HHLA2: variants seen among roughly 807,000 people sequenced by gnomAD.
HHLA2 encodes HHLA2 member of B7 family, also known as HERV-H LTR-associating protein 2.
HHLA2 carries 48 observed loss-of-function variants against 45.9 expected under a neutral mutation model. The ratio of observed to expected loss-of-function variants is 1.05; its 90% CI spans 0.83 to 1.33. The LOEUF is 1.33. HHLA2 is among the 40% of genes most tolerant of loss of function. The pLI, the probability that HHLA2 is intolerant of heterozygous loss-of-function variation, is 0.00. For missense variants in HHLA2, 462 were observed against 494.3 expected (o/e 0.93, Z 0.62); for synonymous variants, 161 against 173.9 (o/e 0.93, Z 0.59).
At chr3:108,377,308 A>T in exon 11 of HHLA2, 1 of 1,551,258 alleles carries the variant, frequency 6.4e-7, no homozygotes, top group Non-Finnish European at 8.9e-7. Context: ...ACAACTCATG[A>T]CCTGCATCCT....
At chr3:108,306,295 T>TA (rs1204360501) in intron 1 of HHLA2, among the ~76,000 whole-genome samples, 1 of 152,246 alleles carries the variant, frequency 6.6e-6, no homozygotes, top group Non-Finnish European at 1.5e-5. Context: ...AGAACGTGAT[T>TA]AGCACAGTCA....
chr3:108,317,766 G>A (rs1362564303), intron 2 of HHLA2, among the ~76,000 whole-genome samples: 1 of 151,952 alleles, frequency 6.6e-6, no homozygotes, highest in Non-Finnish European at 1.5e-5. Context: ...GTAGAGACAA[G>A]GTTTCACCAT....
rs189085212 is a variant in HHLA2 at position 108,347,585 on chromosome 3, C to A, written c.-26-4203C>A. Among the ~76,000 whole-genome samples the A allele has an allele frequency of 2.4e-4, 37 of 152,226 alleles. No homozygotes were observed. The East Asian group carries it at 6.9e-3, about 29-fold the overall frequency. On this transcript the variant is annotated intron_variant, in intron 3 of 10. Transcript: ENST00000619531. ...TAATTAGGAGAATATTATAGAATGACTTCTTTTTTTAAAAAATATGACTCC... is the reference window on the plus strand; with the variant it reads ...TAATTAGGAGAATATTATAGAATGAATTCTTTTTTTAAAAAATATGACTCC...
Position 108,375,797 on chromosome 3 carries a change from C to T in HHLA2, c.1156C>T (p.Gln386Ter), listed in dbSNP as rs888261081. Residue 386 changes from glutamine to a stop codon, truncating the protein, a stop_gained, in exon 9 of 11, where the codon CAA (glutamine) becomes TAA (stop). Coordinates refer to ENST00000619531, the Ensembl canonical transcript of HHLA2. LOFTEE classifies it high-confidence loss of function. ...CAGACACCCTGCTGATGGAGCCCAA[C>T]AAGGTCAGCCTCCCATGTCTGAGAG... 2.5e-6 allele frequency: 4 copies of T among 1,610,394 alleles called. No individual in the cohort carries two copies. The highest frequency in any genetic ancestry group is 2.2e-5 in the East Asian group (1 of 44,798).
chr3:108,360,024 C>G (rs2081961100), intron 7 of HHLA2, among the ~76,000 whole-genome samples: 1 of 152,126 alleles, frequency 6.6e-6, no homozygotes, highest in Non-Finnish European at 1.5e-5. Context: ...GGAAATGTGG[C>G]TGTAGCTTCT....
exon 11 of HHLA2, chr3:108,377,352 C>T (rs992196678): frequency 8.8e-7 from 1 of 1,138,134 alleles, no homozygotes; most frequent in Non-Finnish European, 1.3e-6. Context: ...CCTTTCTTCA[C>T]CACAATTCCA....
intron 3 of HHLA2, among the ~76,000 whole-genome samples, chr3:108,336,880 T>C (rs181558195): frequency 1.3e-5 from 2 of 152,204 alleles, no homozygotes; most frequent in East Asian, 3.9e-4. Context: ...CTAATACCAG[T>C]TCTGGGTTCT....
chr3:108,328,233 A>T (rs1177260418), intron 2 of HHLA2: 3 of 1,000,246 alleles, frequency 3.0e-6, no homozygotes, highest in Non-Finnish European at 4.2e-6. Flanking sequence ...GGGCATTGAT[A>T]CTCTGGAATC....
intron 3 of HHLA2, among the ~76,000 whole-genome samples, chr3:108,335,887 G>A (rs938892965): frequency 6.6e-6 from 1 of 151,942 alleles, no homozygotes; most frequent in African/African-American, 2.4e-5. Context: ...GTAGCTGAGT[G>A]ATCCATTTGT....
intron 2 of HHLA2, among the ~76,000 whole-genome samples, chr3:108,320,040 C>G (rs1204875106): frequency 1.3e-5 from 2 of 152,136 alleles, no homozygotes; most frequent in Non-Finnish European, 2.9e-5. Context: ...GCATGAATAT[C>G]CCACTTATTT....
At chr3:108,366,063 C>T (rs2082058638) in intron 8 of HHLA2, among the ~76,000 whole-genome samples, 1 of 152,306 alleles carries the variant, frequency 6.6e-6, no homozygotes, top group South Asian at 2.1e-4. Flanking sequence ...CGCCGGTTTT[C>T]AAGGGGAATG....
intron 8 of HHLA2, among the ~76,000 whole-genome samples, chr3:108,375,342 G>A (rs576809055): frequency 7.2e-6 from 1 of 138,950 alleles, no homozygotes; most frequent in Non-Finnish European, 1.6e-5. Context: ...GGTAGGGGAG[G>A]GGGGAGGGAT....
chr3:108,345,073 G>A (rs1385758820), intron 3 of HHLA2, among the ~76,000 whole-genome samples: 2 of 152,186 alleles, frequency 1.3e-5, no homozygotes, highest in Non-Finnish European at 2.9e-5. Context: ...ATGGGGAATT[G>A]AGGGCAAGTA....
chr3:108,377,001 T>C, intron 10 of HHLA2: 1 of 436,006 alleles, frequency 2.3e-6, no homozygotes, highest in Non-Finnish European at 4.1e-6. Flanking sequence ...AGAGTATAAA[T>C]AAGGGCCAGG....
At chr3:108,322,609 G>A (rs1003955762) in intron 2 of HHLA2, among the ~76,000 whole-genome samples, 6 of 152,106 alleles carry the variant, frequency 3.9e-5, no homozygotes, top group East Asian at 3.9e-4. Context: ...TCATCCAACC[G>A]CCTATCTATG....
exon 7 of HHLA2, chr3:108,358,055 C>T (rs778827974): frequency 6.2e-7 from 1 of 1,613,664 alleles, no homozygotes; most frequent in South Asian, 1.1e-5. Context: ...ACCAGAGTGA[C>T]TTCTCTATGA....
intron 8 of HHLA2, among the ~76,000 whole-genome samples, chr3:108,363,975 CTT>C (rs56827543): frequency 0.024 from 1,273 of 52,696 alleles, 15 homozygotes; most frequent in African/African-American, 0.052. Flanking sequence ...TGACTTACTT[CTT>C]TTTTTTTTTT....
intron 3 of HHLA2, among the ~76,000 whole-genome samples, chr3:108,344,924 C>T (rs1264545635): frequency 2.6e-5 from 4 of 152,130 alleles, no homozygotes; most frequent in Non-Finnish European, 4.4e-5. Flanking sequence ...AGAAACATTT[C>T]GTGATTGAAG....
intron 7 of HHLA2, among the ~76,000 whole-genome samples, chr3:108,361,620 A>G (rs1042926665): frequency 2.6e-5 from 4 of 152,202 alleles, no homozygotes; most frequent in Non-Finnish European, 5.9e-5. Context: ...TCTACCTATA[A>G]AACTGTGAAG....
Sources: gnomAD v4.1 joint callset for allele counts (sites outside exome capture counted in the v4.1 genomes callset) on GRCh38, gnomAD v4.1.1 for gene constraint, MANE v1.5 for transcripts, NCBI Gene and HGNC (gene_info 2026-07-23, HGNC 2026-07-21) for gene names.